Variants in MIDEAS observed in about 807,000 individuals in gnomAD.
MIDEAS encodes the protein mitotic deacetylase associated SANT domain protein, also known as mitotic deacetylase-associated SANT domain protein.
Under a neutral mutation model 102.7 loss-of-function variants are expected in MIDEAS, and 26 were observed. The observed-to-expected ratio is 0.25, with a 90% CI of 0.19 to 0.35. The LOEUF is 0.35. MIDEAS is among the 10% of genes least tolerant of loss of function. The pLI is 1.00. For synonymous variants in MIDEAS, 585 were observed against 591.0 expected (o/e 0.99, Z 0.15); for missense variants, 1,231 against 1,435.6 (o/e 0.86, Z 2.30).
intron 1 of MIDEAS, among the ~76,000 whole-genome samples, chr14:73,753,240 G>A (rs1443299971): frequency 6.6e-6 from 1 of 152,196 alleles, no homozygotes; most frequent in Admixed American, 6.5e-5. Context: ...GAGGGAGGCA[G>A]CAGGGAGGTC....
chr14:73,746,020 G>C (rs2053347279), intron 1 of MIDEAS, among the ~76,000 whole-genome samples: 1 of 152,258 alleles, frequency 6.6e-6, no homozygotes, highest in African/African-American at 2.4e-5. Context: ...AGCTGCTCAG[G>C]ATCAGAAGCT....
chr14:73,778,722 C>G (rs1164977497), intron 1 of MIDEAS, among the ~76,000 whole-genome samples: 2 of 152,028 alleles, frequency 1.3e-5, no homozygotes, highest in African/African-American at 4.8e-5. Context: ...GTCTGCTGCA[C>G]ATGGGCACTG....
chr14:73,727,012 G>T, intron 5 of MIDEAS, 40 bp from the exon 6 acceptor site: 1 of 1,552,300 alleles, frequency 6.4e-7, no homozygotes, highest in Non-Finnish European at 8.7e-7. Flanking sequence ...GCCTCACCTT[G>T]CGGGGACGGA....
chr14:73,740,073 G>GTC lies in MIDEAS; in HGVS notation c.-67_-66dup, dbSNP rs577576829. ...ACAGTCGCCCATCCCCTGGGGAAAC[G>GTC]TCCTGCTGGAAGCCGGGCTCTAGTC... On this transcript the variant is annotated 5_prime_UTR_variant, in exon 2 of 13. Transcript: ENST00000423556. 1.3e-4 allele frequency: 179 copies of GTC among 1,413,560 alleles called. 1 individual carries two copies. The African/African-American group carries it at 2.2e-3, about 18-fold the overall frequency. 87.6% of individuals were successfully genotyped at this position (1,413,560 alleles called of 1,614,324 possible).
intron 1 of MIDEAS, among the ~76,000 whole-genome samples, chr14:73,756,021 C>T (rs1410585018): frequency 2.0e-5 from 3 of 152,144 alleles, no homozygotes; most frequent in African/African-American, 4.8e-5. Context: ...TTAAGCAATG[C>T]CCAAAGCCAC....
intron 1 of MIDEAS, among the ~76,000 whole-genome samples, chr14:73,756,232 T>C (rs1349224533): frequency 6.6e-6 from 1 of 151,342 alleles, no homozygotes; most frequent in Non-Finnish European, 1.5e-5. Context: ...CCAACTATTA[T>C]TGCTCCCAAG....
chr14:73,781,814 A>G lies in MIDEAS; in HGVS notation c.-248+5288T>C, dbSNP rs575610264. Among the ~76,000 whole-genome samples the G allele has an allele frequency of 3.3e-5, 5 of 150,582 alleles. No homozygotes were observed. The East Asian group carries it at 7.9e-4, about 24-fold the overall frequency. ...TGTAATCTCAACACTTTTTGAGGTT[A>G]GGGAGGCCAAGGCGGGTGGATCACC... On this transcript the variant is annotated intron_variant, in intron 1 of 11. Transcript: ENST00000394071.
At chr14:73,770,760 C>G (rs1354107770) in intron 1 of MIDEAS, among the ~76,000 whole-genome samples, 1 of 152,132 alleles carries the variant, frequency 6.6e-6, no homozygotes, top group Non-Finnish European at 1.5e-5. Context: ...ACCCAACCAC[C>G]ATTTATAGCA....
In MIDEAS at chr14:73,739,310, G is replaced by C; in HGVS notation, c.699C>G (p.Gly233=). ...CAGCCACCGGGTTTGGGGGCGGTGG[G>C]CCCTGCCGGAAGACCTGCCGGTTCA... ...HQVNRQVFRQ[G]PPPPNPVAAF... is the part of the protein sequence containing the mutation. Residue 233 remains glycine (G), a synonymous_variant, in exon 2 of 13, where the codon GGC becomes GGG. Transcript: ENST00000423556. 1 of 1,609,624 alleles carries C rather than the reference G, an allele frequency of 6.2e-7. No individual in the cohort carries two copies. Among genetic ancestry groups the C allele is most frequent in the Non-Finnish European group, 8.5e-7 (1 of 1,178,696 alleles).
chr14:73,769,395 A>C (rs1375353444), intron 1 of MIDEAS, among the ~76,000 whole-genome samples: 1 of 152,256 alleles, frequency 6.6e-6, no homozygotes, highest in Non-Finnish European at 1.5e-5. Flanking sequence ...GGAAAAACCT[A>C]CATCAGCAGC....
At chr14:73,769,189 A>G (rs1255885996) in intron 1 of MIDEAS, among the ~76,000 whole-genome samples, 1 of 152,048 alleles carries the variant, frequency 6.6e-6, no homozygotes, top group Non-Finnish European at 1.5e-5. Flanking sequence ...CCCTCCCCAG[A>G]GTCACTGAGG....
At chr14:73,777,162 G>T (rs2053699028) in intron 1 of MIDEAS, among the ~76,000 whole-genome samples, 1 of 151,940 alleles carries the variant, frequency 6.6e-6, no homozygotes, top group Admixed American at 6.6e-5. Context: ...CCTAGCCTTT[G>T]CCTCTGGAGC....
chr14:73,728,762 A>G (rs1410473515), intron 4 of MIDEAS: 1 of 152,288 alleles, frequency 6.6e-6, no homozygotes, highest in Non-Finnish European at 1.5e-5. Flanking sequence ...TGTTCGGTAG[A>G]TACTCGTGGA....
rs2053211037 is a variant in MIDEAS at position 73,737,103 on chromosome 14, A to G, written c.1644T>C (p.Asp548=). Residue 548 remains aspartate, a synonymous_variant, in exon 3 of 13, where the codon GAT becomes GAC. Coordinates refer to ENST00000423556, the MANE Select transcript of MIDEAS (RefSeq NM_001367710.1). Reference sequence around the variant, plus strand: ...TCTGTTCAGGACCCTTCCCGTCCTCATCAAGACCTCCAGCCTGGGCTGCCT... The same window carrying G: ...TCTGTTCAGGACCCTTCCCGTCCTCGTCAAGACCTCCAGCCTGGGCTGCCT... ...PTEAAQAGGL[D]EDGKGPEQNP... 7 of 1,613,874 alleles carry G rather than the reference A, an allele frequency of 4.3e-6. No individual in the cohort carries two copies. The Admixed American group carries it at 1.2e-4, about 27-fold the overall frequency.
Position 73,738,593 on chromosome 14 carries a change from C to T in MIDEAS, c.1416G>A (p.Lys472=). 1 of 1,602,408 alleles carries T rather than the reference C, an allele frequency of 6.2e-7. No homozygotes were observed. Residue 472 remains lysine, a synonymous_variant, in exon 2 of 13, where the codon AAG becomes AAA. Transcript: ENST00000423556. ...TCTGCAGTGAGGCCAGCTCCACAGC[C>T]TTCTGGGCCAGGGTCAGCAAATTGG... ...QEANLLTLAQ[K]AVELASLQNA... is the part of the protein sequence containing the mutation.
chr14:73,768,846 T>C (rs2053615393), intron 1 of MIDEAS, among the ~76,000 whole-genome samples: 1 of 152,104 alleles, frequency 6.6e-6, no homozygotes. Context: ...TGGCTTGTCA[T>C]GGAAAAAAAA....
intron 1 of MIDEAS, among the ~76,000 whole-genome samples, chr14:73,766,592 C>T (rs2053593617): frequency 6.6e-6 from 1 of 151,922 alleles, no homozygotes; most frequent in Admixed American, 6.6e-5. Flanking sequence ...CTCTGTTACC[C>T]AGGCTGGAGT....
intron 1 of MIDEAS, among the ~76,000 whole-genome samples, chr14:73,772,629 T>A (rs975078643): frequency 6.6e-6 from 1 of 152,158 alleles, no homozygotes; most frequent in African/African-American, 2.4e-5. Context: ...GCTATAAATA[T>A]CTTTGGTGTG....
In MIDEAS at chr14:73,739,303, G is replaced by A; in HGVS notation, c.706C>T (p.Pro236Ser). 6.2e-7 allele frequency: 1 copy of A among 1,611,450 alleles called. No individual in the cohort carries two copies. ...GGGAAGGCAGCCACCGGGTTTGGGG[G>A]CGGTGGGCCCTGCCGGAAGACCTGC... ...NRQVFRQGPP[P>S]PNPVAAFPPQ... is the part of the protein sequence containing the mutation. Residue 236 changes from proline (P) to serine (S), a missense_variant, in exon 2 of 13, where the codon CCC becomes TCC. Transcript: ENST00000423556.
Sources: allele counts gnomAD v4.1 joint callset (sites outside exome capture counted in the v4.1 genomes callset), GRCh38; gene constraint gnomAD v4.1.1; transcripts MANE v1.5; gene names NCBI Gene and HGNC (gene_info 2026-07-23, HGNC 2026-07-21).